Variants in KCNQ1 observed in about 807,000 individuals in gnomAD.
KCNQ1 encodes the protein potassium voltage-gated channel subfamily KQT member 1.
Under a neutral mutation model 72.4 loss-of-function variants are expected in KCNQ1, and 49 were observed. The observed-to-expected ratio is 0.68, with a 90% CI of 0.54 to 0.86. KCNQ1 has a LOEUF of 0.86. KCNQ1 is among the 40% of genes least tolerant of loss of function. The pLI is 0.00. For synonymous variants in KCNQ1, 450 were observed against 412.6 expected (o/e 1.09, Z -1.10); for missense variants, 790 against 945.1 (o/e 0.84, Z 2.15).
At chr11:2,839,477 T>C (rs549476793) in intron 15 of KCNQ1, among the ~76,000 whole-genome samples, 88 of 152,290 alleles carry the variant, frequency 5.8e-4, no homozygotes, top group African/African-American at 2.1e-3. Flanking sequence ...GGTGGCTGCG[T>C]GTCCAGGAGC....
intron 10 of KCNQ1, among the ~76,000 whole-genome samples, chr11:2,589,732 C>T (rs1848646716): frequency 6.6e-6 from 1 of 152,202 alleles, no homozygotes. Context: ...GTGCAGCTGG[C>T]TGAGCACAGA....
intron 14 of KCNQ1, chr11:2,777,482 A>G (rs2133991360): frequency 1.9e-6 from 1 of 534,464 alleles, no homozygotes; most frequent in African/African-American, 1.9e-5. Context: ...CCTTGACCAA[A>G]TTCCTTGGGT....
At chr11:2,490,710 CAG>C (rs1392292165) in intron 1 of KCNQ1, among the ~76,000 whole-genome samples, 2 of 152,124 alleles carry the variant, frequency 1.3e-5, no homozygotes, top group African/African-American at 4.8e-5. Context: ...TTTTTTGAAA[CAG>C]AGTTTCACTC....
intron 15 of KCNQ1, among the ~76,000 whole-genome samples, chr11:2,822,228 G>T (rs1847752357): frequency 1.3e-5 from 2 of 152,158 alleles, no homozygotes; most frequent in African/African-American, 4.8e-5. Context: ...CACCTTGTTA[G>T]CCCGGTGAGA....
Position 2,584,773 on chromosome 11 carries a change from C to CT in KCNQ1, c.1033-439_1033-438insT, listed in dbSNP as rs151163987. Among the ~76,000 whole-genome samples the CT allele has an allele frequency of 2.6e-3, 398 of 152,204 alleles. 3 individuals carry two copies. Among genetic ancestry groups the CT allele is most frequent in the African/African-American group, 9.2e-3 (381 of 41,528 alleles). On this transcript the variant is annotated intron_variant, in intron 7 of 15. Transcript: ENST00000155840. ...TGCACCACGTGATCTCCTCTGTAGACACGGAGTTCCCTAGCTTCAGGGTGG... is the reference window on the plus strand; with the variant it reads ...TGCACCACGTGATCTCCTCTGTAGACTACGGAGTTCCCTAGCTTCAGGGTGG...
At chr11:2,742,628 G>C (rs1206641387) in intron 11 of KCNQ1, among the ~76,000 whole-genome samples, 1 of 152,236 alleles carries the variant, frequency 6.6e-6, no homozygotes, top group East Asian at 1.9e-4. Flanking sequence ...GTTTTCTGGG[G>C]CTGAGGATGC....
At chr11:2,584,523 TAG>T (rs1491313211) in intron 7 of KCNQ1, among the ~76,000 whole-genome samples, 3 of 142,586 alleles carry the variant, frequency 2.1e-5, no homozygotes, top group Non-Finnish European at 4.7e-5. Context: ...GTTTGTGTGT[TAG>T]TGTGTGTGTT....
chr11:2,562,943 T>C lies in KCNQ1; in HGVS notation c.478-7685T>C, dbSNP rs756069488. On this transcript the variant is annotated intron_variant, in intron 2 of 15. Coordinates refer to ENST00000155840, the MANE Select transcript of KCNQ1 (RefSeq NM_000218.3). The surrounding 1 kb of genome is among the most constrained non-coding windows in gnomAD (Gnocchi z 7.5). ...ACACCAAAATAGACAAAAGAGATAA[T>C]AGAAGAGTAATATCAGAGACACTAA... Among the ~76,000 whole-genome samples the C allele has an allele frequency of 6.6e-6, 1 of 152,098 alleles. No individual in the cohort carries two copies. Among genetic ancestry groups the C allele is most frequent in the Non-Finnish European group, 1.5e-5 (1 of 68,016 alleles).
rs116002908 is a variant in KCNQ1 at position 2,752,692 on chromosome 11, G to A, written c.1515-16152G>A. Among the ~76,000 whole-genome samples, 499 of 152,186 alleles carry A rather than the reference G, an allele frequency of 3.3e-3. 3 individuals carry two copies. The highest frequency in any genetic ancestry group is 0.011 in the African/African-American group (467 of 41,526). ...CTCTTCCTGAAGGCTCTGCCCTCACGGCCGAATCACCTCTCAAATGCGCCA... is the reference window on the plus strand; with the variant it reads ...CTCTTCCTGAAGGCTCTGCCCTCACAGCCGAATCACCTCTCAAATGCGCCA... On this transcript the variant is annotated intron_variant, in intron 11 of 15. Coordinates refer to ENST00000155840, the MANE Select transcript of KCNQ1 (RefSeq NM_000218.3). This position sits in a 1 kb window ranked among gnomAD's most constrained non-coding sequence, Gnocchi z 5.2.
chr11:2,495,079 G>A lies in KCNQ1; in HGVS notation c.387-32849G>A, dbSNP rs753985330. On this transcript the variant is annotated intron_variant, in intron 1 of 15. Transcript: ENST00000155840. The surrounding 1 kb of genome is among the most constrained non-coding windows in gnomAD (Gnocchi z 4.6). The stretch of plus-strand genomic sequence containing the variant: ...TGGTTTAGTCTTGGAGGGTGTATGT[G>A]TCCAGGAATTTATCCATTTTTTCTA... Among the ~76,000 whole-genome samples the A allele has an allele frequency of 3.5e-4, 54 of 152,116 alleles. No individual in the cohort carries two copies. Among genetic ancestry groups the A allele is most frequent in the Non-Finnish European group, 6.3e-4 (43 of 68,034 alleles).
rs926455034 is a variant in KCNQ1 at position 2,723,281 on chromosome 11, C to T, written c.1515-45563C>T. 3.9e-5 allele frequency among the ~76,000 whole-genome samples: 6 copies of T among 152,238 alleles called. No homozygotes were observed. The highest frequency in any genetic ancestry group is 7.2e-5 in the African/African-American group (3 of 41,456). On this transcript the variant is annotated intron_variant, in intron 11 of 15. Coordinates refer to ENST00000155840, the MANE Select transcript of KCNQ1 (RefSeq NM_000218.3). The surrounding 1 kb of genome is among the most constrained non-coding windows in gnomAD (Gnocchi z 4.2). ...GTGCCCACGGCCCTGTCCCATTTACCGTTGGGGCAAGTGAGGGACGAGGAG... is the reference window on the plus strand; with the variant it reads ...GTGCCCACGGCCCTGTCCCATTTACTGTTGGGGCAAGTGAGGGACGAGGAG...
chr11:2,717,141 C>T (rs1851106314), intron 11 of KCNQ1, among the ~76,000 whole-genome samples: 3 of 152,180 alleles, frequency 2.0e-5, no homozygotes, highest in African/African-American at 7.2e-5. Flanking sequence ...GTCTTCCTTC[C>T]TACTCCTGGC....
Position 2,777,674 on chromosome 11 carries a change from T to C in KCNQ1, c.1733-302T>C, listed in dbSNP as rs182093946. The C allele has an allele frequency of 4.8e-3, 2,853 of 594,600 alleles. 10 individuals carry two copies. Among genetic ancestry groups the C allele is most frequent in the Non-Finnish European group, 6.7e-3 (2,247 of 334,512 alleles). 36.8% of individuals were successfully genotyped at this position (594,600 alleles called of 1,614,324 possible). A position where few individuals can be genotyped will look rare whatever the true frequency, so the allele number is the denominator to read the frequency against. On this transcript the variant is annotated intron_variant, in intron 14 of 15. Coordinates refer to ENST00000155840, the MANE Select transcript of KCNQ1 (RefSeq NM_000218.3). ...GGCCTGTGTCGCCCTGGGAGTGGAA[T>C]GGCATGGGCTTGCACAGCTGGCAGT...
chr11:2,533,019 G>T (rs995970586), intron 2 of KCNQ1, among the ~76,000 whole-genome samples: 1 of 152,032 alleles, frequency 6.6e-6, no homozygotes. Flanking sequence ...AGTGCTGAGC[G>T]CGGGGAGCCC....
chr11:2,819,281 G>GC (rs1847684203), intron 15 of KCNQ1, among the ~76,000 whole-genome samples: 2 of 152,232 alleles, frequency 1.3e-5, no homozygotes, highest in South Asian at 4.1e-4. Context: ...TGAGGAAGGA[G>GC]CAGGAGAGGA....
In KCNQ1 at chr11:2,595,787, T is replaced by G. The variant is rs1051120982; in HGVS notation, c.1393+6933T>G. On this transcript the variant is annotated intron_variant, in intron 10 of 15. Transcript: ENST00000155840. This position sits in a 1 kb window ranked among gnomAD's most constrained non-coding sequence, Gnocchi z 5.0. Reference sequence around the variant, plus strand: ...AATGCCAACTTTGAAGTCTTATTATTTAAGAAATACATTTTATAAGGCTAT... The same window carrying G: ...AATGCCAACTTTGAAGTCTTATTATGTAAGAAATACATTTTATAAGGCTAT... Among the ~76,000 whole-genome samples, 2 of 152,162 alleles carry G rather than the reference T, an allele frequency of 1.3e-5. No homozygotes were observed. The highest frequency in any genetic ancestry group is 4.8e-5 in the African/African-American group (2 of 41,426).
chr11:2,540,441 C>A (rs571445897), intron 2 of KCNQ1, among the ~76,000 whole-genome samples: 54 of 152,222 alleles, frequency 3.5e-4, no homozygotes, highest in Non-Finnish European at 6.3e-4. Flanking sequence ...CAGGGCCAGG[C>A]CTAGACAGCT....
At chr11:2,721,146 G>A (rs2133929853) in intron 11 of KCNQ1, among the ~76,000 whole-genome samples, 1 of 152,272 alleles carries the variant, frequency 6.6e-6, no homozygotes, top group East Asian at 1.9e-4. Flanking sequence ...GACGCCGGGG[G>A]GACATGTTGC....
chr11:2,449,678 G>A (rs1238323322), intron 1 of KCNQ1, among the ~76,000 whole-genome samples: 1 of 152,146 alleles, frequency 6.6e-6, no homozygotes, highest in African/African-American at 2.4e-5. Flanking sequence ...AGCTGAGATG[G>A]GCAGGAGCAC....
Sources: gnomAD v4.1 joint callset for allele counts (sites outside exome capture counted in the v4.1 genomes callset) on GRCh38, gnomAD v4.1.1 for gene constraint, Gnocchi (gnomAD v3.1) non-coding constraint, MANE v1.5 for transcripts, NCBI Gene and HGNC (gene_info 2026-07-23, HGNC 2026-07-21) for gene names.